The following VPS13B variants were observed in gnomAD, a reference collection of about 807,000 sequenced individuals.
The protein encoded by VPS13B is vacuolar protein sorting 13 homolog B, also known as intermembrane lipid transfer protein VPS13B.
A neutral mutation model predicts 426.4 loss-of-function variants in VPS13B; 285 were observed. That is an observed-to-expected ratio of 0.67 (90% CI 0.61 to 0.74). VPS13B has a LOEUF of 0.74. Ranked by LOEUF, VPS13B falls within the 30% of genes least tolerant of loss-of-function variation. The pLI is 0.00. For missense variants in VPS13B, 4,537 were observed against 4,782.6 expected (o/e 0.95, Z 1.51); for synonymous variants, 1,676 against 1,676.4 (o/e 1.00, Z 0.01).
At chr8:99,352,824 CA>C (rs1485715908) in intron 19 of VPS13B, among the ~76,000 whole-genome samples, 3 of 137,616 alleles carry the variant, frequency 2.2e-5, no homozygotes, top group Admixed American at 7.3e-5. Context: ...AACTCCATCT[CA>C]AAAAAAAAAC....
intron 33 of VPS13B, among the ~76,000 whole-genome samples, chr8:99,610,443 T>C (rs1827794978): frequency 6.6e-6 from 1 of 152,154 alleles, no homozygotes; most frequent in Non-Finnish European, 1.5e-5. Context: ...TGCGGGGACA[T>C]GGATGAAGCT....
At chr8:99,092,463 A>G (rs770432025) in intron 3 of VPS13B, among the ~76,000 whole-genome samples, 1 of 152,224 alleles carries the variant, frequency 6.6e-6, no homozygotes, top group Non-Finnish European at 1.5e-5. Context: ...TCAATGAACG[A>G]AAACTGTGTA....
At chr8:99,120,906 CAAATACAGTT>C (rs1847901218) in intron 7 of VPS13B, among the ~76,000 whole-genome samples, 1 of 152,078 alleles carries the variant, frequency 6.6e-6, no homozygotes, top group Non-Finnish European at 1.5e-5. Context: ...TTGTCTTTAT[CAAATACAGTT>C]AAAAGTTATG....
chr8:99,113,713 G>A (rs1395891374), intron 6 of VPS13B, among the ~76,000 whole-genome samples: 4 of 151,826 alleles, frequency 2.6e-5, no homozygotes, highest in East Asian at 1.9e-4. Flanking sequence ...TACAGGCGCC[G>A]GCCACCAGGC....
At chr8:99,871,025 C>A in intron 60 of VPS13B, 138 bp downstream of exon 60, 3 of 865,314 alleles carry the variant, frequency 3.5e-6, no homozygotes, top group Non-Finnish European at 5.7e-6. Context: ...TCAGGCAGCA[C>A]AAGAGCACTG....
chr8:99,744,184 A>T (rs1368693751), intron 39 of VPS13B, among the ~76,000 whole-genome samples: 1 of 152,248 alleles, frequency 6.6e-6, no homozygotes, highest in Non-Finnish European at 1.5e-5. Context: ...TTCTCGAAAG[A>T]AGACATTTAT....
intron 17 of VPS13B, among the ~76,000 whole-genome samples, chr8:99,238,283 C>A (rs1405613482): frequency 6.6e-6 from 1 of 151,686 alleles, no homozygotes; most frequent in East Asian, 1.9e-4. Context: ...AAGACAATGT[C>A]TTTAGTTAAT....
intron 33 of VPS13B, among the ~76,000 whole-genome samples, chr8:99,634,428 C>CGAGG (rs1480868733): frequency 6.6e-6 from 1 of 151,958 alleles, no homozygotes; most frequent in Non-Finnish European, 1.5e-5. Context: ...GTAGTGGCCT[C>CGAGG]ATACTGTTAC....
intron 54 of VPS13B, among the ~76,000 whole-genome samples, chr8:99,842,040 C>A (rs184549378): frequency 6.6e-6 from 1 of 152,230 alleles, no homozygotes; most frequent in Non-Finnish European, 1.5e-5. Flanking sequence ...TCAATCACCT[C>A]TTCCCGCCTT....
chr8:99,784,516 T>C (rs758485806), intron 43 of VPS13B, 40 bp downstream of exon 43: 2 of 1,612,562 alleles, frequency 1.2e-6, no homozygotes, highest in Admixed American at 1.7e-5. Context: ...ATTGTTAAGG[T>C]TGGGGATTCA....
intron 31 of VPS13B, among the ~76,000 whole-genome samples, chr8:99,562,621 A>G (rs1229905524): frequency 2.6e-5 from 4 of 152,004 alleles, no homozygotes; most frequent in Non-Finnish European, 1.5e-5. Context: ...CTTCTTGTTG[A>G]TGAGTTGTAA....
Position 99,809,372 on chromosome 8 carries a change from C to T in VPS13B, c.7942-3C>T, listed in dbSNP as rs1322295194. On this transcript the variant is annotated splice_region_variant and splice_polypyrimidine_tract_variant and intron_variant, in intron 43 of 61. Transcript: ENST00000357162. ...TTATGACGATTATTGTTTTTTTCTC[C>T]AGCTGTTACACATCTGTATTGAAGG... is the stretch of plus-strand genomic sequence containing the variant. The T allele has an allele frequency of 6.2e-7, 1 of 1,613,630 alleles. No homozygotes were observed. The highest frequency in any genetic ancestry group is 8.5e-7 in the Non-Finnish European group (1 of 1,179,872).
chr8:99,368,467 C>T (rs1481940345), intron 19 of VPS13B, among the ~76,000 whole-genome samples: 1 of 152,080 alleles, frequency 6.6e-6, no homozygotes, highest in African/African-American at 2.4e-5. Context: ...TTTTTTTAGT[C>T]CATTTCATAA....
intron 33 of VPS13B, among the ~76,000 whole-genome samples, chr8:99,638,745 TATGA>T (rs1386920674): frequency 2.0e-5 from 3 of 152,314 alleles, no homozygotes; most frequent in African/African-American, 7.2e-5. Flanking sequence ...GGAAAGACAC[TATGA>T]ATGACTATGT....
At chr8:99,192,010 T>C (rs1813624588) in intron 16 of VPS13B, among the ~76,000 whole-genome samples, 1 of 152,188 alleles carries the variant, frequency 6.6e-6, no homozygotes, top group South Asian at 2.1e-4. Flanking sequence ...GCAGGTTACA[T>C]ACAGTATACT....
rs539376769 is a variant in VPS13B, at chr8:99,425,427, A to T, written c.3083-6110A>T. ...TGGTTCAACATATGCAAGTCAATAA[A>T]CATAATCCAGCATATAAACAGAACC... On this transcript the variant is annotated intron_variant, in intron 21 of 61. Transcript: ENST00000357162. 7.2e-5 allele frequency among the ~76,000 whole-genome samples: 11 copies of T among 152,020 alleles called. No homozygotes were observed. The South Asian group carries it at 2.3e-3, about 32-fold the overall frequency.
chr8:99,807,677 TTGTG>T lies in VPS13B; in HGVS notation c.7942-1674_7942-1671del, dbSNP rs144674961. 1.0e-3 allele frequency among the ~76,000 whole-genome samples: 150 copies of T among 146,200 alleles called. No individual in the cohort carries two copies. The East Asian group carries it at 0.012, about 12-fold the overall frequency. On this transcript the variant is annotated intron_variant, in intron 43 of 61. Transcript: ENST00000357162. Reference sequence around the variant, plus strand: ...AAGGTATTTACTATCCAGGGTGTGTTTGTGTGTGTGTGTGTGTGTGTGTGTGTAC... The same window carrying T: ...AAGGTATTTACTATCCAGGGTGTGTTTGTGTGTGTGTGTGTGTGTGTGTAC...
intron 3 of VPS13B, among the ~76,000 whole-genome samples, chr8:99,046,020 G>T (rs1843226188): frequency 6.6e-6 from 1 of 152,034 alleles, no homozygotes; most frequent in Admixed American, 6.6e-5. Flanking sequence ...TCTTGCTTTG[G>T]CTAGGCAGAC....
At chr8:99,638,131 C>T (rs1829144881) in intron 33 of VPS13B, among the ~76,000 whole-genome samples, 1 of 152,004 alleles carries the variant, frequency 6.6e-6, no homozygotes, top group Non-Finnish European at 1.5e-5. Context: ...TTATCTTTAT[C>T]TTACTGAATT....
Sources: allele counts gnomAD v4.1 joint callset (sites outside exome capture counted in the v4.1 genomes callset), GRCh38; gene constraint gnomAD v4.1.1; transcripts MANE v1.5; gene names NCBI Gene and HGNC (gene_info 2026-07-23, HGNC 2026-07-21).